Variants in PHACTR3 observed in about 807,000 individuals in gnomAD.
The protein encoded by PHACTR3 is phosphatase and actin regulator 3.
Under a neutral mutation model 66.8 loss-of-function variants are expected in PHACTR3, and 16 were observed. That is an observed-to-expected ratio of 0.24 (90% confidence interval 0.16 to 0.36). The LOEUF is 0.36. Ranked by LOEUF, PHACTR3 falls within the 10% of genes least tolerant of loss-of-function variation. The pLI is 1.00. For synonymous variants in PHACTR3, 323 were observed against 292.1 expected, an observed-to-expected ratio of 1.11 and a Z score of -1.08; for missense variants, 647 against 719.9, an observed-to-expected ratio of 0.90 and a Z score of 1.16.
intron 1 of PHACTR3, among the ~76,000 whole-genome samples, chr20:59,659,136 C>T (rs2035726561): frequency 6.6e-6 from 1 of 152,096 alleles, no homozygotes; most frequent in Admixed American, 6.5e-5. Context: ...AAACTGCTAT[C>T]ACGATTATTT....
intron 4 of PHACTR3, among the ~76,000 whole-genome samples, chr20:59,762,555 C>G: frequency 6.6e-6 from 1 of 152,094 alleles, no homozygotes; most frequent in East Asian, 1.9e-4. Context: ...TGGGTAGTAC[C>G]GAGGGTCAGG....
chr20:59,758,627 C>T (rs1412061086), intron 4 of PHACTR3, among the ~76,000 whole-genome samples: 1 of 152,192 alleles, frequency 6.6e-6, no homozygotes, highest in Non-Finnish European at 1.5e-5. Context: ...AATGACTGCA[C>T]ATTCATTTAG....
chr20:59,649,407 G>A (rs551038493), intron 1 of PHACTR3, among the ~76,000 whole-genome samples: 1 of 152,228 alleles, frequency 6.6e-6, no homozygotes, highest in African/African-American at 2.4e-5. Context: ...TCAACAAAGA[G>A]TTAATTATAA....
Position 59,836,519 on chromosome 20 carries a change from G to C in PHACTR3, c.1343G>C (p.Arg448Thr). ...TTTTTCCGCAGACGGCTGAGCCAAA[G>C]ACCTGCCGTGGAAGAGCTGGAGAGA... ...EMKLSKRLSQRPAVEELERRN... is the reference protein window; with the variant it reads ...EMKLSKRLSQTPAVEELERRN... Residue 448 changes from arginine (R) to threonine (T), a missense_variant, in exon 9 of 13, where the codon AGA (arginine) becomes ACA (threonine). By Grantham distance (71) the Arg-to-Thr change is moderately conservative. This residue lies in a region of PHACTR3 where 70 missense variants were observed against 148.8 expected (regional missense o/e 0.47). Coordinates refer to ENST00000371015, the MANE Select transcript of PHACTR3 (RefSeq NM_080672.5). 1 of 1,609,782 alleles carries C rather than the reference G, an allele frequency of 6.2e-7. No individual in the cohort carries two copies. Among genetic ancestry groups the C allele is most frequent in the Non-Finnish European group, 8.5e-7 (1 of 1,178,476 alleles).
At chr20:59,842,588 C>T (rs769102281) in intron 11 of PHACTR3, among the ~76,000 whole-genome samples, 10 of 152,078 alleles carry the variant, frequency 6.6e-5, no homozygotes, top group Admixed American at 3.3e-4. Context: ...TCAGGTCCCT[C>T]GAGTGTTTAT....
chr20:59,682,623 G>A (rs538528695), intron 1 of PHACTR3, among the ~76,000 whole-genome samples: 7 of 152,348 alleles, frequency 4.6e-5, no homozygotes, highest in Non-Finnish European at 1.0e-4. Flanking sequence ...AGACATTTGA[G>A]TATTACATGG....
intron 1 of PHACTR3, among the ~76,000 whole-genome samples, chr20:59,580,956 G>A (rs1246302395): frequency 6.6e-6 from 1 of 152,236 alleles, no homozygotes; most frequent in African/African-American, 2.4e-5. Context: ...GACTCAGGGT[G>A]GGTCATATAG....
At chr20:59,735,593 G>T (rs750399393) in intron 1 of PHACTR3, among the ~76,000 whole-genome samples, 3 of 152,112 alleles carry the variant, frequency 2.0e-5, no homozygotes, top group Non-Finnish European at 4.4e-5. Flanking sequence ...CTAAAGGGTG[G>T]ACATCAAAGT....
intron 1 of PHACTR3, among the ~76,000 whole-genome samples, chr20:59,715,660 A>T (rs1483467484): frequency 3.9e-5 from 6 of 152,084 alleles, no homozygotes; most frequent in African/African-American, 1.4e-4. Context: ...CATGTTTTTT[A>T]TTCTCTCTGA....
Position 59,840,398 on chromosome 20 carries a change from A to G in PHACTR3, c.1414A>G (p.Arg472Gly). 1 of 1,613,182 alleles carries G rather than the reference A, an allele frequency of 6.2e-7. No individual in the cohort carries two copies. Among genetic ancestry groups the G allele is most frequent in the Non-Finnish European group, 8.5e-7 (1 of 1,179,308 alleles). The change falls in exon 10 of 13, where the codon AGA (arginine) becomes GGA (glycine). Residue 472 changes from arginine to glycine, a missense_variant. By Grantham distance (125) the Arg-to-Gly change is moderately radical. Transcript: ENST00000371015. Reference protein sequence around the residue: ...QRNDQTEQEERREIKQRLTRK... With the variant: ...QRNDQTEQEEGREIKQRLTRK... ...GAATGATCAGACAGAGCAGGAAGAAAGAAGAGAAATCAAGCAAAGATTGAC... is the reference window on the plus strand; with the variant it reads ...GAATGATCAGACAGAGCAGGAAGAAGGAAGAGAAATCAAGCAAAGATTGAC...
chr20:59,627,862 T>G (rs984594051), intron 1 of PHACTR3, among the ~76,000 whole-genome samples: 3 of 152,238 alleles, frequency 2.0e-5, no homozygotes, highest in Non-Finnish European at 4.4e-5. Context: ...TTTTTATTTA[T>G]GTATCAATAT....
chr20:59,660,557 A>T (rs114332861), intron 1 of PHACTR3, among the ~76,000 whole-genome samples: 1 of 152,244 alleles, frequency 6.6e-6, no homozygotes, highest in African/African-American at 2.4e-5. Context: ...CTAATCTGTC[A>T]TCTGGCCACC....
chr20:59,739,596 CTCACTCAATA>C (rs2039078636), intron 1 of PHACTR3, among the ~76,000 whole-genome samples: 5 of 152,124 alleles, frequency 3.3e-5, no homozygotes, highest in Admixed American at 3.3e-4. Context: ...CTCAAGAGAA[CTCACTCAATA>C]TCATGCGGAC....
chr20:59,801,631 T>C (rs1346169428), intron 7 of PHACTR3, among the ~76,000 whole-genome samples: 1 of 152,242 alleles, frequency 6.6e-6, no homozygotes. Context: ...ATGTGGCTTA[T>C]TTGTTCCTCT....
chr20:59,753,029 C>T (rs1010365439), intron 3 of PHACTR3, among the ~76,000 whole-genome samples: 1 of 152,110 alleles, frequency 6.6e-6, no homozygotes, highest in Non-Finnish European at 1.5e-5. Context: ...TCGGTGAGCT[C>T]TCTTGGCTTG....
intron 1 of PHACTR3, among the ~76,000 whole-genome samples, chr20:59,686,455 A>G (rs1169105191): frequency 2.0e-5 from 3 of 152,218 alleles, no homozygotes; most frequent in Non-Finnish European, 4.4e-5. Flanking sequence ...AGTAATTTCC[A>G]TGTAAATGTG....
At chr20:59,666,570 CAG>C (rs900714918) in intron 1 of PHACTR3, among the ~76,000 whole-genome samples, 7 of 150,580 alleles carry the variant, frequency 4.6e-5, no homozygotes, top group African/African-American at 1.7e-4. Context: ...GAGACAGAGA[CAG>C]AGAGACAGGG....
At chr20:59,784,386 TG>T (rs1162899821) in intron 7 of PHACTR3, among the ~76,000 whole-genome samples, 1 of 152,112 alleles carries the variant, frequency 6.6e-6, no homozygotes, top group Non-Finnish European at 1.5e-5. Context: ...TATGTATATG[TG>T]TGTGTGGTGT....
chr20:59,579,766 G>A (rs2032809876), intron 1 of PHACTR3, among the ~76,000 whole-genome samples: 1 of 152,186 alleles, frequency 6.6e-6, no homozygotes, highest in South Asian at 2.1e-4. Context: ...CGGAGAAAGT[G>A]GGAAGCACTG....
Sources: gnomAD v4.1 joint callset for allele counts (sites outside exome capture counted in the v4.1 genomes callset) on GRCh38, gnomAD v4.1.1 for gene constraint, gnomAD v4.1.1 regional missense constraint, MANE v1.5 for transcripts, NCBI Gene and HGNC (gene_info 2026-07-23, HGNC 2026-07-21) for gene names.